Variants in PNPLA7 observed in about 807,000 individuals in gnomAD.
PNPLA7 encodes patatin like domain 7, lysophospholipase.
A neutral mutation model predicts 161.7 loss-of-function variants in PNPLA7; 153 were observed. The observed-to-expected ratio is 0.95, with a 90% confidence interval of 0.83 to 1.08. PNPLA7 has a LOEUF of 1.08. PNPLA7 is among the 50% of genes least tolerant of loss of function. PNPLA7 has a pLI of 0.00. For missense variants in PNPLA7, 1,739 were observed against 1,856.6 expected (o/e 0.94, Z 1.16); for synonymous variants, 809 against 782.1 (o/e 1.03, Z -0.57).
At position 137,550,259 on chromosome 9, in the gene PNPLA7, C is replaced by T. The variant is rs140509962; in HGVS notation, c.-62G>A. 9.5e-6 allele frequency: 15 copies of T among 1,575,512 alleles called. No homozygotes were observed. The African/African-American group carries it at 1.9e-4, about 20-fold the overall frequency. ...AGACAGCCTGAAGCAAACAAGGGCA[C>T]ACCTCTACCCGCTCATGCTCACACC... On this transcript the variant is annotated 5_prime_UTR_variant, in exon 1 of 35. The change creates a new upstream start codon in the 5' untranslated region. Transcript: ENST00000406427.
At chr9:137,509,785 G>C (rs1458851992) in intron 12 of PNPLA7, 6 of 454,512 alleles carry the variant, frequency 1.3e-5, no homozygotes, top group Non-Finnish European at 2.7e-5. Context: ...AAGCCACCCA[G>C]GCACTGAGGC....
At chr9:137,502,755 C>CGCGGG (rs1833551362) in intron 14 of PNPLA7, among the ~76,000 whole-genome samples, 1 of 112,636 alleles carries the variant, frequency 8.9e-6, no homozygotes, top group Non-Finnish European at 1.8e-5. Flanking sequence ...ATGTGGGAGC[C>CGCGGG]GGCCACGGTG....
chr9:137,512,769 C>G (rs761417074), intron 12 of PNPLA7, among the ~76,000 whole-genome samples: 1 of 151,440 alleles, frequency 6.6e-6, no homozygotes, highest in Non-Finnish European at 1.5e-5. Flanking sequence ...GCAAGACACC[C>G]TCTCTACAGG....
intron 8 of PNPLA7, among the ~76,000 whole-genome samples, chr9:137,530,429 G>C (rs1419687892): frequency 4.6e-5 from 7 of 152,234 alleles, no homozygotes; most frequent in African/African-American, 1.4e-4. Flanking sequence ...CCTTCTTCTG[G>C]TGCTTTTGGA....
intron 8 of PNPLA7, among the ~76,000 whole-genome samples, chr9:137,532,266 G>C (rs904158828): frequency 6.6e-6 from 1 of 152,106 alleles, no homozygotes; most frequent in African/African-American, 2.4e-5. Context: ...GTGAAACCTT[G>C]TTTCTACTAA....
intron 4 of PNPLA7, among the ~76,000 whole-genome samples, chr9:137,546,485 C>T (rs1451146579): frequency 6.6e-6 from 1 of 152,162 alleles, no homozygotes; most frequent in East Asian, 1.9e-4. Context: ...AACCCACCGA[C>T]CCTGTGGGGC....
chr9:137,541,345 G>A lies in PNPLA7; in HGVS notation c.667-623C>T. On this transcript the variant is annotated intron_variant, in intron 7 of 34. Transcript: ENST00000406427. The surrounding 1 kb of genome is among the most constrained non-coding windows in gnomAD (Gnocchi z 4.4). ...GGCGGCCTCATCCCCAGGAGCTACT[G>A]GCTCCAGCTTCCCCCAAGCCCCTTT... The A allele has an allele frequency of 1.1e-6, 1 of 872,098 alleles. No homozygotes were observed. The highest frequency in any genetic ancestry group is 1.4e-6 in the Non-Finnish European group (1 of 726,396). The allele number at this position is 872,098 out of a possible 1,614,324, so 54.0% of individuals were successfully genotyped here.
At position 137,543,707 on chromosome 9, in the gene PNPLA7, T is replaced by G; in HGVS notation, c.365+17A>C. On this transcript the variant is annotated intron_variant, in intron 5 of 34. Transcript: ENST00000406427. This position sits in a 1 kb window ranked among gnomAD's most constrained non-coding sequence, Gnocchi z 6.9. ...GGGGCACCTGGGGCAGGATGTGGTC[T>G]GAAGGACACACAGTACCTCTTGGCC... 6.2e-7 allele frequency: 1 copy of G among 1,613,520 alleles called. No individual in the cohort carries two copies. Among genetic ancestry groups the G allele is most frequent in the Non-Finnish European group, 8.5e-7 (1 of 1,179,486 alleles).
rs1305742886 is a variant in PNPLA7, at chr9:137,461,863, C to T, written c.3756+68G>A. On this transcript the variant is annotated intron_variant, in intron 32 of 34. Coordinates refer to ENST00000406427, the MANE Select transcript of PNPLA7 (RefSeq NM_001098537.3). The stretch of plus-strand genomic sequence containing the variant: ...GCTGGGCGTGGCCTGATGAACTGGG[C>T]GTGGGCGTGGCCCGAAGAACTGGGC... 13 of 1,441,012 alleles carry T rather than the reference C, an allele frequency of 9.0e-6. No individual in the cohort carries two copies. In the East Asian group the frequency reaches 1.2e-4, roughly 14 times the overall value. 89.3% of individuals were successfully genotyped at this position (1,441,012 alleles called of 1,614,324 possible).
In PNPLA7 at chr9:137,461,608, G is replaced by A. The variant is rs1564275826; in HGVS notation, c.3769C>T (p.Pro1257Ser). 6.2e-7 allele frequency: 1 copy of A among 1,612,106 alleles called. No homozygotes were observed. The highest frequency in any genetic ancestry group is 8.5e-7 in the Non-Finnish European group (1 of 1,179,308). The change falls in exon 33 of 35, where the codon CCC becomes TCC. Residue 1257 changes from proline (P) to serine (S), a missense_variant. This residue lies in a region of PNPLA7 where 703 missense variants were observed against 694.6 expected (regional missense o/e 1.01). Transcript: ENST00000406427. ...KKPASAVLTC[P>S]NASFTDLAEI... ...GCAAGGTCCGTGAAGGAGGCGTTGG[G>A]ACAGGTGAGGACCTAGGGGTGGGGT...
In PNPLA7 at chr9:137,471,428, G is replaced by A. The variant is rs111488689; in HGVS notation, c.2883-3955C>T. Among the ~76,000 whole-genome samples the A allele has an allele frequency of 1.8e-3, 277 of 152,004 alleles. 2 individuals are homozygous for A. Among genetic ancestry groups the A allele is most frequent in the African/African-American group, 6.4e-3 (264 of 41,442 alleles). On this transcript the variant is annotated intron_variant, in intron 25 of 34. Coordinates refer to ENST00000406427, the MANE Select transcript of PNPLA7 (RefSeq NM_001098537.3). ...AGCCTGGCCAAGATGGTGAAACCCCGTCTCTACTAAAAATACAAAAATTAG... is the reference window on the plus strand; with the variant it reads ...AGCCTGGCCAAGATGGTGAAACCCCATCTCTACTAAAAATACAAAAATTAG...
chr9:137,475,795 T>C (rs1323729973), intron 25 of PNPLA7, among the ~76,000 whole-genome samples: 2 of 152,002 alleles, frequency 1.3e-5, no homozygotes, highest in African/African-American at 4.8e-5. Flanking sequence ...AAAAAGACAA[T>C]GGAACCATGC....
Position 137,464,162 on chromosome 9 carries a change from C to CG in PNPLA7, c.3189dup (p.Asp1064ArgfsTer34). 7 of 1,613,766 alleles carry CG rather than the reference C, an allele frequency of 4.3e-6. No homozygotes were observed. The highest frequency in any genetic ancestry group is 5.9e-6 in the Non-Finnish European group (7 of 1,179,984). Reference sequence around the variant, plus strand: ...ACCCGCATGGCCGAGGCTGTGATGTCGGTGGTGATGGCGAAATAAGGAATC... The same window carrying CG: ...ACCCGCATGGCCGAGGCTGTGATGTCGGGTGGTGATGGCGAAATAAGGAATC... On this transcript the variant is annotated frameshift_variant, in exon 28 of 35. Transcript: ENST00000406427. LOFTEE classifies it high-confidence loss of function.
chr9:137,547,558 G>C lies in PNPLA7; in HGVS notation c.105+27C>G. On this transcript the variant is annotated intron_variant, in intron 2 of 34. Transcript: ENST00000406427. This position sits in a 1 kb window ranked among gnomAD's most constrained non-coding sequence, Gnocchi z 4.6. ...AAAAGGCCACGGCCCATCCAGGTCT[G>C]GCTCCAGGGAAGCGTGAGGTGATTA... The C allele has an allele frequency of 6.2e-7, 1 of 1,612,172 alleles. No individual in the cohort carries two copies. The highest frequency in any genetic ancestry group is 8.5e-7 in the Non-Finnish European group (1 of 1,178,874).
rs1366797777 is a variant in PNPLA7, at chr9:137,540,690, C to T, written c.699G>A (p.Leu233=). 1 of 1,612,164 alleles carries T rather than the reference C, an allele frequency of 6.2e-7. No homozygotes were observed. The highest frequency in any genetic ancestry group is 1.3e-5 in the African/African-American group (1 of 75,040). ...DGTEVVVKEV[L]AGDSVHSLLS... ...GCAGGCTGTGGACGCTGTCTCCCGC[C>T]AGAACCTCTTTCACCACCACCTCGG... The change falls in exon 8 of 35, where the codon CTG becomes CTA. Residue 233 remains leucine, a synonymous_variant. Coordinates refer to ENST00000406427, the MANE Select transcript of PNPLA7 (RefSeq NM_001098537.3). The surrounding 1 kb of genome is among the most constrained non-coding windows in gnomAD (Gnocchi z 5.1).
chr9:137,519,253 T>C (rs1478752944), intron 11 of PNPLA7, among the ~76,000 whole-genome samples: 1 of 152,260 alleles, frequency 6.6e-6, no homozygotes, highest in Non-Finnish European at 1.5e-5. Flanking sequence ...GTTAACTCCA[T>C]CACACAGATC....
rs1833905879 is a variant in PNPLA7 at position 137,506,086 on chromosome 9, A to G, written c.1226-3T>C. 1 of 1,609,582 alleles carries G rather than the reference A, an allele frequency of 6.2e-7. No homozygotes were observed. The highest frequency in any genetic ancestry group is 8.5e-7 in the Non-Finnish European group (1 of 1,178,064). Reference sequence around the variant, plus strand: ...AGAAGTGGCACTGCCTGGGCCCCCTACACACAGAGGGGACACTCAGGACAC... The same window carrying G: ...AGAAGTGGCACTGCCTGGGCCCCCTGCACACAGAGGGGACACTCAGGACAC... On this transcript the variant is annotated splice_region_variant and splice_polypyrimidine_tract_variant and intron_variant, in intron 12 of 34. Coordinates refer to ENST00000406427, the MANE Select transcript of PNPLA7 (RefSeq NM_001098537.3).
intron 12 of PNPLA7, among the ~76,000 whole-genome samples, chr9:137,507,605 G>T (rs1381496702): frequency 6.6e-6 from 1 of 152,200 alleles, no homozygotes; most frequent in East Asian, 1.9e-4. Flanking sequence ...GGAGGCAGAG[G>T]TTGCGGTGAG....
chr9:137,478,376 G>T, intron 24 of PNPLA7: 1 of 390,502 alleles, frequency 2.6e-6, no homozygotes, highest in Non-Finnish European at 4.5e-6. Flanking sequence ...ACTGGCAGAG[G>T]GTACGTGGGC....
Sources: gnomAD v4.1 joint callset for allele counts (sites outside exome capture counted in the v4.1 genomes callset) on GRCh38, gnomAD v4.1.1 for gene constraint, gnomAD v4.1.1 regional missense constraint, Gnocchi (gnomAD v3.1) non-coding constraint, MANE v1.5 for transcripts, NCBI Gene and HGNC (gene_info 2026-07-23, HGNC 2026-07-21) for gene names.